SVIL: variants seen among roughly 807,000 people sequenced by gnomAD.
SVIL encodes the protein archvillin.
SVIL carries 101 observed loss-of-function variants against 240.4 expected under a neutral mutation model. The ratio of observed to expected loss-of-function variants is 0.42; its 90% CI spans 0.36 to 0.50. The LOEUF (loss-of-function observed/expected upper bound fraction) is 0.50. Ranked by LOEUF, SVIL falls within the 20% of genes least tolerant of loss-of-function variation. SVIL has a pLI of 0.01. For missense variants in SVIL, 2,512 were observed against 2,818.7 expected (o/e 0.89, Z 2.46); for synonymous variants, 999 against 1,100.0 (o/e 0.91, Z 1.82).
chr10:29,636,287 C>T (rs1466785016), upstream of SVIL, among the ~76,000 whole-genome samples: 2 of 152,112 alleles, frequency 1.3e-5, no homozygotes, highest in Non-Finnish European at 2.9e-5. Flanking sequence ...AAGCCCCTCC[C>T]TAGAGAAAAG....
chr10:29,686,599 A>C (rs1961085953), exon 2 of SVIL: 1 of 152,162 alleles, frequency 6.6e-6, no homozygotes, highest in African/African-American at 2.4e-5. Context: ...CCATCTCTTC[A>C]TGGGCTTCTC....
intron 1 of SVIL, among the ~76,000 whole-genome samples, chr10:29,597,766 C>G (rs1956653833): frequency 6.6e-6 from 1 of 151,824 alleles, no homozygotes; most frequent in African/African-American, 2.4e-5. Flanking sequence ...CTGCTTGATG[C>G]CCCTCAGTTG....
At chr10:29,641,347 G>A (rs1411893266) in intron 3 of SVIL, among the ~76,000 whole-genome samples, 2 of 152,110 alleles carry the variant, frequency 1.3e-5, no homozygotes, top group Admixed American at 1.3e-4. Context: ...GAGGTGGGAG[G>A]ATCACCTGAG....
intron 1 of SVIL, among the ~76,000 whole-genome samples, chr10:29,617,013 G>A (rs1388885178): frequency 2.6e-5 from 4 of 152,144 alleles, no homozygotes; most frequent in East Asian, 1.9e-4. Context: ...ATGAGACACC[G>A]CACCTGGCTG....
intron 1 of SVIL, among the ~76,000 whole-genome samples, chr10:29,693,795 C>T (rs145493939): frequency 9.9e-4 from 151 of 152,296 alleles, no homozygotes; most frequent in African/African-American, 3.3e-3. Flanking sequence ...AAAAATAATA[C>T]GTGTTTGGCC....
At position 29,559,005 on chromosome 10, in the gene SVIL, T is replaced by C. The variant is rs1361623359; in HGVS notation, c.-50-3897A>G. On this transcript the variant is annotated intron_variant, in intron 3 of 37. Transcript: ENST00000355867. ...ATTATATAAACCATGTTTTATATTA[T>C]TTTATATTATTAATCATATAAAACA... Among the ~76,000 whole-genome samples, 3 of 149,358 alleles carry C rather than the reference T, an allele frequency of 2.0e-5. No individual in the cohort carries two copies. The East Asian group carries it at 5.8e-4, about 29-fold the overall frequency.
chr10:29,673,574 T>G (rs1959954775), intron 2 of SVIL, among the ~76,000 whole-genome samples: 2 of 130,648 alleles, frequency 1.5e-5, no homozygotes, highest in African/African-American at 3.0e-5. Flanking sequence ...TACATGGCAT[T>G]AGGGGGGAGA....
intron 16 of SVIL, 56 bp downstream of exon 16, chr10:29,522,354 G>A: frequency 6.4e-7 from 1 of 1,568,218 alleles, no homozygotes; most frequent in Non-Finnish European, 8.7e-7. Flanking sequence ...TTTTCTAAAA[G>A]CAAGCTGTAA....
At chr10:29,469,872 C>T (rs1284175586) in intron 32 of SVIL, among the ~76,000 whole-genome samples, 1 of 152,234 alleles carries the variant, frequency 6.6e-6, no homozygotes, top group East Asian at 1.9e-4. Context: ...CCACACTCTT[C>T]TTTAGCTTTT....
At chr10:29,667,856 C>CA (rs11288258) in intron 2 of SVIL, among the ~76,000 whole-genome samples, 1,761 of 129,980 alleles carry the variant, frequency 0.014, 31 homozygotes, top group East Asian at 0.055. Context: ...CCCTGTCTCT[C>CA]AAAAAAAAAA....
chr10:29,558,801 A>G (rs953512192), intron 3 of SVIL, among the ~76,000 whole-genome samples: 13 of 151,138 alleles, frequency 8.6e-5, no homozygotes, highest in Middle Eastern at 3.5e-3. Context: ...GGTAGCATGT[A>G]TCTGTAATCC....
intron 23 of SVIL, 61 bp downstream of exon 23, chr10:29,488,540 C>T (rs1388643639): frequency 1.0e-5 from 15 of 1,455,232 alleles, no homozygotes; most frequent in Admixed American, 5.7e-5. Context: ...GTCAGGACTC[C>T]GTATGGGACC....
At chr10:29,701,901 C>T (rs918381002) in intron 1 of SVIL, among the ~76,000 whole-genome samples, 26 of 152,062 alleles carry the variant, frequency 1.7e-4, no homozygotes, top group East Asian at 5.8e-4. Context: ...AGGCTGGGCG[C>T]GGTGGCTCAC....
chr10:29,680,806 CT>C (rs2132586007), intron 2 of SVIL, among the ~76,000 whole-genome samples: 1 of 152,232 alleles, frequency 6.6e-6, no homozygotes, highest in African/African-American at 2.4e-5. Context: ...ATAATCCCAG[CT>C]ACTCAGGAGG....
In SVIL at chr10:29,524,535, C is replaced by G; in HGVS notation, c.2523G>C (p.Thr841=). Residue 841 remains threonine (T), a synonymous_variant, in exon 14 of 38, where the codon ACG becomes ACC. Transcript: ENST00000355867. Reference sequence around the variant, plus strand: ...AGCGAGCGTTCATTCTCCTCTGTCTCGTGTCTATTCTGTTCCGGGTAGAAA... The same window carrying G: ...AGCGAGCGTTCATTCTCCTCTGTCTGGTGTCTATTCTGTTCCGGGTAGAAA... ...KAISTRNRID[T]RQRRMNARYQ... 1 of 1,614,126 alleles carries G rather than the reference C, an allele frequency of 6.2e-7. No individual in the cohort carries two copies.
rs192969382 is a variant in SVIL, at chr10:29,478,141, G to A, written c.5377+2396C>T. Among the ~76,000 whole-genome samples the A allele has an allele frequency of 7.5e-4, 112 of 150,126 alleles. 1 individual carries two copies. The highest frequency in any genetic ancestry group is 2.5e-3 in the African/African-American group (102 of 41,346). On this transcript the variant is annotated intron_variant, in intron 29 of 37. Transcript: ENST00000355867. The stretch of plus-strand genomic sequence containing the variant: ...CATTACTCCAAAGGTTAAGAGATCT[G>A]CCTGCCCCGAAACACACTCAATTCC...
Position 29,493,399 on chromosome 10 carries a change from C to A in SVIL, c.3842-8G>T. 6.2e-7 allele frequency: 1 copy of A among 1,613,876 alleles called. No individual in the cohort carries two copies. The highest frequency in any genetic ancestry group is 2.2e-5 in the East Asian group (1 of 44,856). On this transcript the variant is annotated splice_region_variant and splice_polypyrimidine_tract_variant and intron_variant, in intron 20 of 37. Transcript: ENST00000355867. ...TTTCGTGCATCCCGCCAACTATCAA[C>A]AAACAAGCAAAAGACATAAGAGTTT... is the stretch of plus-strand genomic sequence containing the variant.
chr10:29,481,714 C>T lies in SVIL; in HGVS notation c.4970G>A (p.Arg1657Gln), dbSNP rs769564322. ...TCTCCCAAATATCGCCCAGTCGGGC[C>T]GCCCCTGTCCTTTTCTGTAGGGTGG... is the stretch of plus-strand genomic sequence containing the variant. ...NPLIPRKGQG[R>Q]PDWAIFGRLT... is the part of the protein sequence containing the mutation. The change falls in exon 28 of 38, where the codon CGG becomes CAG. Residue 1657 changes from arginine (R) to glutamine (Q), a missense_variant. By Grantham distance (43) the Arg-to-Gln change is conservative. Coordinates refer to ENST00000355867, the MANE Select transcript of SVIL (RefSeq NM_021738.3). 4 of 1,613,960 alleles carry T rather than the reference C, an allele frequency of 2.5e-6. No homozygotes were observed. Among genetic ancestry groups the T allele is most frequent in the Admixed American group, 1.7e-5 (1 of 59,996 alleles).
Position 29,735,048 on chromosome 10 carries a change from G to A in SVIL, c.-400+703C>T, listed in dbSNP as rs1477600305. On this transcript the variant is annotated intron_variant, in intron 1 of 35. Coordinates refer to the SVIL transcript ENST00000375400. This position sits in a 1 kb window ranked among gnomAD's most constrained non-coding sequence, Gnocchi z 4.1. Reference sequence around the variant, plus strand: ...TTGCGGCCTGGACTGGAGCCTCCCCGCCGCTCACTCACTGTAATGCAATTA... The same window carrying A: ...TTGCGGCCTGGACTGGAGCCTCCCCACCGCTCACTCACTGTAATGCAATTA... 3.3e-5 allele frequency among the ~76,000 whole-genome samples: 5 copies of A among 152,168 alleles called. No homozygotes were observed. In the East Asian group the frequency reaches 9.7e-4, roughly 29 times the overall value.
Sources: gnomAD v4.1 joint callset for allele counts (sites outside exome capture counted in the v4.1 genomes callset) on GRCh38, gnomAD v4.1.1 for gene constraint, Gnocchi (gnomAD v3.1) non-coding constraint, MANE v1.5 for transcripts, NCBI Gene and HGNC (gene_info 2026-07-23, HGNC 2026-07-21) for gene names.